The following MED27 variants were observed in gnomAD, a reference collection of about 807,000 sequenced individuals.
MED27 encodes mediator complex subunit 27.
A neutral mutation model predicts 38.2 loss-of-function variants in MED27; 30 were observed. The ratio of observed to expected loss-of-function variants is 0.79; its 90% CI spans 0.59 to 1.07. The LOEUF (loss-of-function observed/expected upper bound fraction) is 1.07, where lower values mean the gene tolerates loss of function less well. MED27 is among the 50% of genes least tolerant of loss of function. The pLI is 0.00. For synonymous variants in MED27, 122 were observed against 153.5 expected (o/e 0.79, Z 1.52); for missense variants, 289 against 397.5 (o/e 0.73, Z 2.32).
intron 3 of MED27, among the ~76,000 whole-genome samples, chr9:131,991,024 A>G (rs1564314951): frequency 6.6e-6 from 1 of 152,340 alleles, no homozygotes; most frequent in East Asian, 1.9e-4. Flanking sequence ...TAAAGAGTGG[A>G]GCATAGCAAG....
chr9:132,045,079 T>G (rs1026938845), intron 2 of MED27, among the ~76,000 whole-genome samples: 2 of 152,048 alleles, frequency 1.3e-5, no homozygotes, highest in Admixed American at 6.5e-5. Context: ...TTTGTATATG[T>G]TTTTAAAAAA....
chr9:132,024,229 G>A (rs770481416), intron 2 of MED27, among the ~76,000 whole-genome samples: 3 of 152,156 alleles, frequency 2.0e-5, no homozygotes, highest in Non-Finnish European at 4.4e-5. Flanking sequence ...TTGTCTTTGC[G>A]TTTATTGGGC....
intron 4 of MED27, among the ~76,000 whole-genome samples, chr9:131,933,596 T>A (rs1296992252): frequency 6.6e-6 from 1 of 151,912 alleles, no homozygotes; most frequent in Non-Finnish European, 1.5e-5. Flanking sequence ...AAAACTCTCA[T>A]AATGAAAACT....
chr9:131,953,690 C>T (rs1185182251), intron 3 of MED27, among the ~76,000 whole-genome samples: 1 of 152,100 alleles, frequency 6.6e-6, no homozygotes, highest in Non-Finnish European at 1.5e-5. Flanking sequence ...TTGCAAATGA[C>T]TGAGTTTAGA....
intron 3 of MED27, among the ~76,000 whole-genome samples, chr9:131,948,452 A>G (rs1183627604): frequency 6.6e-6 from 1 of 151,552 alleles, no homozygotes; most frequent in Non-Finnish European, 1.5e-5. Context: ...ATGCCACTGC[A>G]CTCCGGCCTG....
At chr9:131,899,586 TG>T (rs1262093615) in intron 4 of MED27, among the ~76,000 whole-genome samples, 2 of 152,192 alleles carry the variant, frequency 1.3e-5, no homozygotes, top group African/African-American at 4.8e-5. Flanking sequence ...AGGCGATCCA[TG>T]TAAAACTTGG....
At chr9:132,040,639 T>A (rs1833187821) in intron 2 of MED27, among the ~76,000 whole-genome samples, 1 of 152,198 alleles carries the variant, frequency 6.6e-6, no homozygotes, top group Non-Finnish European at 1.5e-5. Flanking sequence ...TTCCAGCCCA[T>A]CAGGCTTCAA....
chr9:132,005,447 C>A (rs1465293544), intron 3 of MED27, among the ~76,000 whole-genome samples: 2 of 152,138 alleles, frequency 1.3e-5, no homozygotes, highest in African/African-American at 4.8e-5. Context: ...GGTATTTGAC[C>A]ACGAAGGGTT....
Position 131,883,075 on chromosome 9 carries a change from T to C in MED27, c.723+983A>G, listed in dbSNP as rs1459389964. On this transcript the variant is annotated intron_variant, in intron 6 of 7. Transcript: ENST00000292035. The surrounding 1 kb of genome is among the most constrained non-coding windows in gnomAD (Gnocchi z 4.2). ...GGCGCCCGCCACCATGCCCGGCTAA[T>C]TTTATATTTTTAGTACAGACAGGGT... Among the ~76,000 whole-genome samples the C allele has an allele frequency of 2.0e-5, 3 of 152,242 alleles. No individual in the cohort carries two copies. The East Asian group carries it at 5.8e-4, about 29-fold the overall frequency.
intron 2 of MED27, among the ~76,000 whole-genome samples, chr9:132,074,630 A>G (rs775963667): frequency 2.6e-5 from 4 of 152,228 alleles, no homozygotes; most frequent in Non-Finnish European, 5.9e-5. Flanking sequence ...CATATAATTA[A>G]TTGTTTGCTT....
At chr9:132,028,024 G>T (rs1832861550) in intron 2 of MED27, among the ~76,000 whole-genome samples, 1 of 152,086 alleles carries the variant, frequency 6.6e-6, no homozygotes, top group South Asian at 2.1e-4. Flanking sequence ...GAGTCACAGG[G>T]CACACACACA....
chr9:131,956,614 C>CAA (rs754763103), intron 3 of MED27, among the ~76,000 whole-genome samples: 105 of 64,588 alleles, frequency 1.6e-3, no homozygotes, highest in Non-Finnish European at 1.8e-3. Flanking sequence ...GACTCCGCCT[C>CAA]AAAAAAAAAA....
chr9:131,954,323 T>A (rs1420031295), intron 3 of MED27, among the ~76,000 whole-genome samples: 1 of 152,086 alleles, frequency 6.6e-6, no homozygotes, highest in Non-Finnish European at 1.5e-5. Flanking sequence ...GAAAATGTCT[T>A]TCCCACAGCC....
chr9:131,874,580 C>T (rs1274865331), intron 6 of MED27, among the ~76,000 whole-genome samples: 2 of 152,100 alleles, frequency 1.3e-5, no homozygotes, highest in African/African-American at 4.8e-5. Context: ...GAGGTGGACA[C>T]TGCCTGGAAG....
In MED27 at chr9:131,943,457, G is replaced by A. The variant is rs537725312; in HGVS notation, c.480-3983C>T. 5.3e-5 allele frequency among the ~76,000 whole-genome samples: 8 copies of A among 152,292 alleles called. No individual in the cohort carries two copies. In the South Asian group the frequency reaches 1.7e-3, roughly 32 times the overall value. On this transcript the variant is annotated intron_variant, in intron 3 of 7. Coordinates refer to ENST00000292035, the MANE Select transcript of MED27 (RefSeq NM_004269.4). ...TCCCGAGACGGTGAGCACGGCTAGCGTCTGCAGCGGGCTCTGCAGTGCGGC... is the reference window on the plus strand; with the variant it reads ...TCCCGAGACGGTGAGCACGGCTAGCATCTGCAGCGGGCTCTGCAGTGCGGC...
At chr9:132,014,531 T>A in intron 2 of MED27, 64 bp from the exon 3 acceptor site, 1 of 1,524,680 alleles carries the variant, frequency 6.6e-7, no homozygotes, top group Non-Finnish European at 8.9e-7. Flanking sequence ...GGACAAATGG[T>A]ATTAAACTAG....
intron 4 of MED27, 94 bp from the exon 5 acceptor site, chr9:131,894,086 G>C: frequency 3.6e-6 from 3 of 836,086 alleles, no homozygotes; most frequent in Non-Finnish European, 4.1e-6. Flanking sequence ...CCAATCCAGT[G>C]AGACTGGATT....
chr9:132,065,850 G>A (rs932646218), intron 2 of MED27, among the ~76,000 whole-genome samples: 1 of 152,240 alleles, frequency 6.6e-6, no homozygotes, highest in Admixed American at 6.5e-5. Flanking sequence ...AATGGTAGAA[G>A]AAACCTCTCT....
chr9:132,016,257 A>G, intron 2 of MED27, among the ~76,000 whole-genome samples: 1 of 152,244 alleles, frequency 6.6e-6, no homozygotes, highest in Non-Finnish European at 1.5e-5. Context: ...AAATGAGGCT[A>G]TCCAGTGATC....
Sources: gnomAD v4.1 joint callset for allele counts (sites outside exome capture counted in the v4.1 genomes callset) on GRCh38, gnomAD v4.1.1 for gene constraint, Gnocchi (gnomAD v3.1) non-coding constraint, MANE v1.5 for transcripts, NCBI Gene and HGNC (gene_info 2026-07-23, HGNC 2026-07-21) for gene names.